FSTL5: variants seen among roughly 807,000 people sequenced by gnomAD.
The protein encoded by FSTL5 is follistatin like 5.
A neutral mutation model predicts 89.1 loss-of-function variants in FSTL5; 62 were observed. That is an observed-to-expected ratio of 0.70 (90% CI 0.57 to 0.86). FSTL5 has a LOEUF of 0.86. Ranked by LOEUF, FSTL5 falls within the 40% of genes least tolerant of loss-of-function variation. The probability of loss-of-function intolerance (pLI) is 0.00; values close to 1 mark genes in which losing one functional copy is unlikely to be tolerated. For synonymous variants in FSTL5, 383 were observed against 346.2 expected, an observed-to-expected ratio of 1.11 and a Z score of -1.18; for missense variants, 1,057 against 1,001.6, an observed-to-expected ratio of 1.06 and a Z score of -0.75.
chr4:161,921,897 GTTAC>G (rs1018315522), intron 3 of FSTL5, among the ~76,000 whole-genome samples: 1 of 152,010 alleles, frequency 6.6e-6, no homozygotes, highest in African/African-American at 2.4e-5. Context: ...AACTCCTTGT[GTTAC>G]TTACTATTAA....
At chr4:161,723,206 T>A (rs545241815) in intron 6 of FSTL5, among the ~76,000 whole-genome samples, 80 of 152,318 alleles carry the variant, frequency 5.3e-4, no homozygotes, top group Middle Eastern at 3.4e-3. Flanking sequence ...TATAAATTGA[T>A]TTGATTAGAC....
intron 6 of FSTL5, among the ~76,000 whole-genome samples, chr4:161,692,221 A>T (rs1737966468): frequency 6.6e-6 from 1 of 152,074 alleles, no homozygotes; most frequent in South Asian, 2.1e-4. Context: ...GGATTTTCAT[A>T]AATATTCTTT....
intron 4 of FSTL5, among the ~76,000 whole-genome samples, chr4:161,824,028 C>T (rs559293897): frequency 6.6e-6 from 1 of 152,216 alleles, no homozygotes; most frequent in Non-Finnish European, 1.5e-5. Flanking sequence ...TAAGTCCCAT[C>T]TATTTATCTT....
At chr4:161,836,796 AAGG>A (rs1384978228) in intron 4 of FSTL5, among the ~76,000 whole-genome samples, 1 of 152,090 alleles carries the variant, frequency 6.6e-6, no homozygotes, top group Non-Finnish European at 1.5e-5. Flanking sequence ...AGATGCAAAA[AAGG>A]AGATATATGA....
intron 15 of FSTL5, among the ~76,000 whole-genome samples, chr4:161,444,601 TATTA>T (rs1417542717): frequency 6.6e-6 from 1 of 151,854 alleles, no homozygotes; most frequent in Non-Finnish European, 1.5e-5. Context: ...TTGAAGGATT[TATTA>T]ATATTGGGGA....
intron 4 of FSTL5, among the ~76,000 whole-genome samples, chr4:161,782,086 T>C (rs999807535): frequency 6.6e-6 from 1 of 152,178 alleles, no homozygotes; most frequent in Non-Finnish European, 1.5e-5. Flanking sequence ...CACTTCTTTT[T>C]AGAACCGAAT....
At chr4:162,076,163 G>T (rs1445836456) in intron 2 of FSTL5, among the ~76,000 whole-genome samples, 1 of 151,830 alleles carries the variant, frequency 6.6e-6, no homozygotes, top group East Asian at 2.0e-4. Context: ...GTGGCTAAAG[G>T]AGTAAAAGTC....
At chr4:161,618,273 G>A (rs1734970640) in intron 7 of FSTL5, among the ~76,000 whole-genome samples, 1 of 135,366 alleles carries the variant, frequency 7.4e-6, no homozygotes, top group Non-Finnish European at 1.6e-5. Flanking sequence ...CTGCAAACAG[G>A]GACAATTTGA....
intron 4 of FSTL5, among the ~76,000 whole-genome samples, chr4:161,815,390 A>C (rs77804763): frequency 0.038 from 5,755 of 152,154 alleles, 179 homozygotes; most frequent in Middle Eastern, 0.13. Flanking sequence ...CCACTTGGAG[A>C]GAGAGAGAGA....
intron 1 of FSTL5, among the ~76,000 whole-genome samples, chr4:162,131,553 C>T (rs1732302122): frequency 1.3e-5 from 2 of 152,118 alleles, no homozygotes; most frequent in Non-Finnish European, 2.9e-5. Flanking sequence ...TGTGGCTAAA[C>T]GATTCAACTC....
intron 15 of FSTL5, among the ~76,000 whole-genome samples, chr4:161,448,309 G>T (rs2126384616): frequency 6.6e-6 from 1 of 152,142 alleles, no homozygotes; most frequent in Admixed American, 6.6e-5. Flanking sequence ...AAATGCCATG[G>T]AACAGCAGGT....
chr4:161,514,162 A>T, intron 10 of FSTL5, among the ~76,000 whole-genome samples: 1 of 152,084 alleles, frequency 6.6e-6, no homozygotes, highest in East Asian at 1.9e-4. Flanking sequence ...AATTAATAAA[A>T]AATTAACATA....
At chr4:161,833,472 A>G (rs1730919577) in intron 4 of FSTL5, among the ~76,000 whole-genome samples, 1 of 88,146 alleles carries the variant, frequency 1.1e-5, no homozygotes. Context: ...TCTAATGTTG[A>G]CAGTGGGGTG....
At chr4:161,542,795 T>A in intron 8 of FSTL5, 102 bp from the exon 9 acceptor site, 1 of 608,892 alleles carries the variant, frequency 1.6e-6, no homozygotes, top group Non-Finnish European at 2.5e-6. Flanking sequence ...ATTATATATT[T>A]TAATGATGCT....
chr4:161,697,847 T>G (rs1206183876), intron 6 of FSTL5, among the ~76,000 whole-genome samples: 1 of 152,134 alleles, frequency 6.6e-6, no homozygotes, highest in African/African-American at 2.4e-5. Context: ...TGGAGTTTCC[T>G]TGGTTTGAAG....
intron 3 of FSTL5, among the ~76,000 whole-genome samples, chr4:161,983,084 G>A (rs1458824524): frequency 5.3e-5 from 8 of 152,106 alleles, no homozygotes; most frequent in South Asian, 2.1e-4. Flanking sequence ...GTTTTTGTAC[G>A]CATTGCACTG....
At chr4:161,621,648 C>T (rs1735128064) in intron 7 of FSTL5, among the ~76,000 whole-genome samples, 2 of 151,860 alleles carry the variant, frequency 1.3e-5, no homozygotes, top group Non-Finnish European at 2.9e-5. Context: ...ATAAACTCCC[C>T]TAAGATTCAT....
chr4:161,630,395 C>T (rs1357998807), intron 7 of FSTL5, among the ~76,000 whole-genome samples: 1 of 152,208 alleles, frequency 6.6e-6, no homozygotes, highest in African/African-American at 2.4e-5. Context: ...GGCAGTACAG[C>T]TCTCTCCAGG....
rs146311297 is a variant in FSTL5, at chr4:161,409,817, C to T, written c.1842-23368G>A. 4.8e-3 allele frequency among the ~76,000 whole-genome samples: 729 copies of T among 152,280 alleles called. 7 individuals are homozygous for T. Among genetic ancestry groups the T allele is most frequent in the African/African-American group, 0.016 (681 of 41,548 alleles). On this transcript the variant is annotated intron_variant, in intron 15 of 15. Transcript: ENST00000306100. Reference sequence around the variant, plus strand: ...TAGTCACTATAAAGCAACTACAAATCACATCTATATATTAAATAACAAACA... The same window carrying T: ...TAGTCACTATAAAGCAACTACAAATTACATCTATATATTAAATAACAAACA...
Sources: gnomAD v4.1 joint callset for allele counts (sites outside exome capture counted in the v4.1 genomes callset) on GRCh38, gnomAD v4.1.1 for gene constraint, MANE v1.5 for transcripts, NCBI Gene and HGNC (gene_info 2026-07-23, HGNC 2026-07-21) for gene names.